Variants in MAGI2 observed in about 807,000 individuals in gnomAD.
MAGI2 encodes the protein membrane associated guanylate kinase, WW and PDZ domain containing 2, also known as membrane-associated guanylate kinase, WW and PDZ domain-containing protein 2.
In MAGI2, 35 loss-of-function variants were observed where a neutral mutation model predicts 133.3. The observed-to-expected ratio is 0.26, with a 90% CI of 0.20 to 0.35. The LOEUF (loss-of-function observed/expected upper bound fraction) is 0.35. Ranked by LOEUF, MAGI2 falls within the 10% of genes least tolerant of loss-of-function variation. The pLI is 1.00. For missense variants in MAGI2, 1,636 were observed against 1,863.4 expected (o/e 0.88, Z 2.25); for synonymous variants, 729 against 710.6 (o/e 1.03, Z -0.41).
At chr7:78,650,080 C>G (rs1215572812) in intron 2 of MAGI2, among the ~76,000 whole-genome samples, 1 of 152,086 alleles carries the variant, frequency 6.6e-6, no homozygotes, top group Non-Finnish European at 1.5e-5. Flanking sequence ...AGGTGTTAGT[C>G]TAGCCTGGAG....
At position 78,127,243 on chromosome 7, in the gene MAGI2, G is replaced by A. The variant is rs890061602; in HGVS notation, c.3377C>T (p.Ser1126Phe). ...CAGAGGGTACTGCCTGGTGTCGGGG[G>A]AGTGCTGCCTGTAGTCCAGTAGGGG... is the stretch of plus-strand genomic sequence containing the variant. ...QPPLLDYRQHSPDTRQYPLSD... is the reference protein window; with the variant it reads ...QPPLLDYRQHFPDTRQYPLSD... Residue 1126 changes from serine (S) to phenylalanine (F), a missense_variant, in exon 19 of 22, where the codon TCC becomes TTC. Ser to Phe is a radical substitution (Grantham distance 155). Coordinates refer to ENST00000354212, the MANE Select transcript of MAGI2 (RefSeq NM_012301.4). 1.2e-6 allele frequency: 2 copies of A among 1,607,070 alleles called. No homozygotes were observed. Among genetic ancestry groups the A allele is most frequent in the East Asian group, 2.2e-5 (1 of 44,790 alleles).
chr7:78,971,244 G>A (rs1286738053), intron 2 of MAGI2, among the ~76,000 whole-genome samples: 2 of 151,956 alleles, frequency 1.3e-5, no homozygotes, highest in Non-Finnish European at 2.9e-5. Flanking sequence ...GGAGAAATCT[G>A]CTTATACATA....
intron 20 of MAGI2, among the ~76,000 whole-genome samples, chr7:78,109,816 A>T (rs915108047): frequency 6.6e-6 from 1 of 152,202 alleles, no homozygotes; most frequent in Non-Finnish European, 1.5e-5. Context: ...CCATCTAGCT[A>T]CTGGAACAGT....
chr7:78,674,708 C>G (rs2151080764), intron 2 of MAGI2, among the ~76,000 whole-genome samples: 1 of 152,000 alleles, frequency 6.6e-6, no homozygotes, highest in South Asian at 2.1e-4. Context: ...ACAAATTAAC[C>G]AAATCAGGAA....
At chr7:79,243,411 G>A (rs1396585642) in intron 1 of MAGI2, among the ~76,000 whole-genome samples, 1 of 152,132 alleles carries the variant, frequency 6.6e-6, no homozygotes, top group East Asian at 1.9e-4. Flanking sequence ...ACTTGATGCT[G>A]GAAACAGACA....
At chr7:78,549,381 C>G (rs1444719368) in intron 3 of MAGI2, among the ~76,000 whole-genome samples, 3 of 151,768 alleles carry the variant, frequency 2.0e-5, no homozygotes, top group Admixed American at 2.0e-4. Context: ...ACTGCATTCA[C>G]CTTTGTTCAT....
chr7:78,859,065 C>A (rs1793922921), intron 2 of MAGI2, among the ~76,000 whole-genome samples: 2 of 147,804 alleles, frequency 1.4e-5, no homozygotes, highest in Admixed American at 6.8e-5. Flanking sequence ...GCAACCCCTG[C>A]TTTTTTTTTT....
At chr7:79,010,436 AAGTT>A (rs1437957985) in intron 1 of MAGI2, among the ~76,000 whole-genome samples, 1 of 152,176 alleles carries the variant, frequency 6.6e-6, no homozygotes, top group Non-Finnish European at 1.5e-5. Flanking sequence ...TCAGGTTTAA[AAGTT>A]AGCCTTTTAA....
intron 1 of MAGI2, among the ~76,000 whole-genome samples, chr7:79,083,309 T>G (rs1816214107): frequency 6.6e-6 from 1 of 151,484 alleles, no homozygotes; most frequent in Admixed American, 6.6e-5. Flanking sequence ...TGTTATTTTT[T>G]TTTTTTTTTT....
rs587780389 is a variant in MAGI2, at chr7:78,501,664, G to A, written c.878C>T (p.Thr293Ile). The change falls in exon 5 of 22, where the codon ACT (threonine) becomes ATT (isoleucine). Residue 293 changes from threonine to isoleucine, a missense_variant. Around this residue, in one of 5 missense-constraint regions of MAGI2, gnomAD observed 165 missense variants for 128.4 expected, o/e 1.28. Transcript: ENST00000354212. ...TGGTTCCTCATTGTCTTCAGGTTTA[G>A]TTGGCTTTGTGTCATCCATCTGCTC... ...LKEQMDDTKPTKPEDNEEPDP... is the reference protein window; with the variant it reads ...LKEQMDDTKPIKPEDNEEPDP... The A allele has an allele frequency of 3.1e-6, 5 of 1,614,078 alleles. No homozygotes were observed. The Admixed American group carries it at 8.3e-5, about 27-fold the overall frequency.
At chr7:78,870,656 T>C (rs1794959842) in intron 2 of MAGI2, among the ~76,000 whole-genome samples, 1 of 152,080 alleles carries the variant, frequency 6.6e-6, no homozygotes, top group Non-Finnish European at 1.5e-5. Flanking sequence ...CGTAAAGAGG[T>C]AAAAGCAGAA....
At chr7:78,714,955 C>G (rs1461663796) in intron 2 of MAGI2, among the ~76,000 whole-genome samples, 2 of 152,180 alleles carry the variant, frequency 1.3e-5, no homozygotes, top group Non-Finnish European at 2.9e-5. Context: ...GACTAAAGCG[C>G]TAGAGTTTTC....
chr7:79,419,382 G>A (rs1404573821), intron 1 of MAGI2, among the ~76,000 whole-genome samples: 9 of 151,990 alleles, frequency 5.9e-5, no homozygotes, highest in Non-Finnish European at 1.3e-4. Flanking sequence ...GGAAAAGGTC[G>A]ATTACAAAAT....
chr7:78,988,324 A>G (rs1013187764), intron 2 of MAGI2, among the ~76,000 whole-genome samples: 2 of 152,124 alleles, frequency 1.3e-5, no homozygotes, highest in African/African-American at 4.8e-5. Context: ...ATTATTTTCA[A>G]GAAATTAAAC....
At chr7:79,180,849 C>T (rs748176953) in intron 1 of MAGI2, among the ~76,000 whole-genome samples, 1 of 151,824 alleles carries the variant, frequency 6.6e-6, no homozygotes, top group Admixed American at 6.6e-5. Context: ...GGTAAATATG[C>T]CAATTTGGAG....
chr7:79,256,036 G>A (rs17152125), intron 1 of MAGI2, among the ~76,000 whole-genome samples: 6,068 of 152,144 alleles, frequency 0.04, 199 homozygotes, highest in African/African-American at 0.083. Flanking sequence ...TTATCTAGAA[G>A]GCACATTGTA....
intron 9 of MAGI2, among the ~76,000 whole-genome samples, chr7:78,331,954 C>A (rs1481678116): frequency 6.6e-6 from 1 of 152,168 alleles, no homozygotes; most frequent in Non-Finnish European, 1.5e-5. Flanking sequence ...CAGGTAAAAT[C>A]ATCATGCATA....
intron 2 of MAGI2, among the ~76,000 whole-genome samples, chr7:78,911,246 G>C (rs574551996): frequency 6.6e-6 from 1 of 151,968 alleles, no homozygotes; most frequent in African/African-American, 2.4e-5. Context: ...TTTTTTCACA[G>C]ATAGTGGATT....
intron 3 of MAGI2, among the ~76,000 whole-genome samples, chr7:78,585,287 C>T (rs12705629): frequency 0.077 from 11,741 of 152,194 alleles, 643 homozygotes; most frequent in African/African-American, 0.13. Context: ...GACTTCGAGA[C>T]ACCGGTAACT....
Sources: allele counts gnomAD v4.1 joint callset (sites outside exome capture counted in the v4.1 genomes callset), GRCh38; gene constraint gnomAD v4.1.1; regional missense constraint gnomAD v4.1.1; transcripts MANE v1.5; gene names NCBI Gene and HGNC (gene_info 2026-07-23, HGNC 2026-07-21).